NUDT13: variants seen among roughly 807,000 people sequenced by gnomAD.
NUDT13 encodes the protein NAD(P)H pyrophosphatase NUDT13, mitochondrial.
A neutral mutation model predicts 41.7 loss-of-function variants in NUDT13; 40 were observed. That is an observed-to-expected ratio of 0.96 (90% CI 0.75 to 1.25). NUDT13 has a LOEUF of 1.25. Ranked by LOEUF, NUDT13 falls within the 50% of genes most tolerant of loss-of-function variation. NUDT13 has a pLI of 0.00. For missense variants in NUDT13, 390 were observed against 416.1 expected (o/e 0.94, Z 0.55); for synonymous variants, 145 against 155.5 (o/e 0.93, Z 0.50).
At chr10:73,123,143 G>A (rs566289465) in intron 4 of NUDT13, among the ~76,000 whole-genome samples, 8 of 150,858 alleles carry the variant, frequency 5.3e-5, no homozygotes, top group African/African-American at 9.7e-5. Flanking sequence ...CAGGTGATCC[G>A]CCTGCCTCAG....
Position 73,120,158 on chromosome 10 carries a change from G to T in NUDT13, c.223+1G>T, listed in dbSNP as rs751338826. The T allele has an allele frequency of 6.2e-7, 1 of 1,614,128 alleles. No homozygotes were observed. The highest frequency in any genetic ancestry group is 8.5e-7 in the Non-Finnish European group (1 of 1,180,006). ...CTGGCCCCCCGGCACAGCCTGTTAGGTAAGTCCAGAGTGGACCAGTGGCGT... is the reference window on the plus strand; with the variant it reads ...CTGGCCCCCCGGCACAGCCTGTTAGTTAAGTCCAGAGTGGACCAGTGGCGT... On this transcript the variant is annotated splice_donor_variant, in intron 3 of 8. Coordinates refer to ENST00000357321, the MANE Select transcript of NUDT13 (RefSeq NM_015901.6). LOFTEE classifies it high-confidence loss of function.
rs766660545 is a variant in NUDT13 at position 73,114,395 on chromosome 10, G to C, written c.30G>C (p.Arg10Ser). Residue 10 changes from arginine to serine, a missense_variant, in exon 2 of 9, where the codon AGG becomes AGC. Arg to Ser is a moderately radical substitution (Grantham distance 110). Coordinates refer to ENST00000357321, the MANE Select transcript of NUDT13 (RefSeq NM_015901.6). MSLYCGIAC[R>S]RKFFWCYRLL... ...CCCTGTATTGTGGAATAGCTTGCAGGAGAAAATTTTTTTGGTGCTATAGGC... is the reference window on the plus strand; with the variant it reads ...CCCTGTATTGTGGAATAGCTTGCAGCAGAAAATTTTTTTGGTGCTATAGGC... 2 of 1,592,884 alleles carry C rather than the reference G, an allele frequency of 1.3e-6. No individual in the cohort carries two copies. The highest frequency in any genetic ancestry group is 8.6e-7 in the Non-Finnish European group (1 of 1,166,904).
chr10:73,127,113 G>A (rs1842808410), intron 8 of NUDT13, among the ~76,000 whole-genome samples: 1 of 152,074 alleles, frequency 6.6e-6, no homozygotes, highest in Non-Finnish European at 1.5e-5. Context: ...GGGTGCGATG[G>A]CTCATGCCTG....
At chr10:73,130,228 C>T (rs1842882947) in intron 8 of NUDT13, 1 of 151,440 alleles carries the variant, frequency 6.6e-6, no homozygotes, top group African/African-American at 2.4e-5. Context: ...TTTGGGGGGC[C>T]AAGGCGGGTG....
intron 4 of NUDT13, 118 bp from the exon 5 acceptor site, chr10:73,124,096 C>T: frequency 2.9e-6 from 2 of 684,476 alleles, no homozygotes; most frequent in South Asian, 3.4e-5. Flanking sequence ...GCCCCCCACA[C>T]CTAGCTGAAT....
At chr10:73,111,924 T>G (rs1842374555) in intron 1 of NUDT13, among the ~76,000 whole-genome samples, 1 of 152,236 alleles carries the variant, frequency 6.6e-6, no homozygotes, top group African/African-American at 2.4e-5. Flanking sequence ...TACACATGGC[T>G]AATTTTTTTT....
At chr10:73,120,943 A>G (rs1842633252) in intron 3 of NUDT13, among the ~76,000 whole-genome samples, 1 of 152,142 alleles carries the variant, frequency 6.6e-6, no homozygotes, top group African/African-American at 2.4e-5. Flanking sequence ...ATCTCAAAAA[A>G]AAAAAAAAAA....
chr10:73,114,394 G>A lies in NUDT13; in HGVS notation c.29G>A (p.Arg10Lys), dbSNP rs1212309374. The A allele has an allele frequency of 6.3e-7, 1 of 1,593,132 alleles. No individual in the cohort carries two copies. The highest frequency in any genetic ancestry group is 8.6e-7 in the Non-Finnish European group (1 of 1,166,928). Residue 10 changes from arginine to lysine, a missense_variant, in exon 2 of 9, where the codon AGG becomes AAG. Physicochemically the swap from Arg to Lys is conservative, Grantham distance 26. Coordinates refer to ENST00000357321, the MANE Select transcript of NUDT13 (RefSeq NM_015901.6). MSLYCGIACRRKFFWCYRLL... is the reference protein window; with the variant it reads MSLYCGIACKRKFFWCYRLL... Reference sequence around the variant, plus strand: ...TCCCTGTATTGTGGAATAGCTTGCAGGAGAAAATTTTTTTGGTGCTATAGG... The same window carrying A: ...TCCCTGTATTGTGGAATAGCTTGCAAGAGAAAATTTTTTTGGTGCTATAGG...
At chr10:73,128,146 G>T (rs972830386) in intron 8 of NUDT13, among the ~76,000 whole-genome samples, 2 of 152,048 alleles carry the variant, frequency 1.3e-5, no homozygotes, top group African/African-American at 4.8e-5. Context: ...TTCTATTATA[G>T]TATATACCAC....
At chr10:73,118,598 GTACT>G (rs1842570197) in intron 2 of NUDT13, among the ~76,000 whole-genome samples, 1 of 152,150 alleles carries the variant, frequency 6.6e-6, no homozygotes, top group African/African-American at 2.4e-5. Context: ...GAAAAGCCTG[GTACT>G]TACCCCATTA....
At chr10:73,121,393 C>G (rs1025774230) in intron 3 of NUDT13, among the ~76,000 whole-genome samples, 3 of 152,140 alleles carry the variant, frequency 2.0e-5, no homozygotes, top group African/African-American at 7.2e-5. Context: ...TCTGAGGACT[C>G]CATCAGAAGG....
rs774169557 is a variant in NUDT13 at position 73,130,757 on chromosome 10, G to A, written c.913G>A (p.Val305Ile). 3.1e-6 allele frequency: 5 copies of A among 1,613,762 alleles called. No homozygotes were observed. Among genetic ancestry groups the A allele is most frequent in the Non-Finnish European group, 4.2e-6 (5 of 1,179,940 alleles). The change falls in exon 9 of 9, where the codon GTA becomes ATA. Residue 305 changes from valine (V) to isoleucine (I), a missense_variant. Physicochemically the swap from Val to Ile is conservative, Grantham distance 29. Transcript: ENST00000357321. Reference sequence around the variant, plus strand: ...AGCTGCCTGGTTCAGTCATGATGAGGTAGCCACAGCCCTGAAGAGAAAGGG... The same window carrying A: ...AGCTGCCTGGTTCAGTCATGATGAGATAGCCACAGCCCTGAAGAGAAAGGG... ...ETAAWFSHDE[V>I]ATALKRKGPY...
At chr10:73,124,414 T>C (rs1292661296) in intron 5 of NUDT13, 94 bp downstream of exon 5, 1 of 827,980 alleles carries the variant, frequency 1.2e-6, no homozygotes, top group Non-Finnish European at 2.0e-6. Flanking sequence ...GACGTTTGAT[T>C]TCTTCTTTTG....
chr10:73,117,175 G>A (rs116370257), intron 2 of NUDT13, among the ~76,000 whole-genome samples: 3,813 of 151,296 alleles, frequency 0.025, 156 homozygotes, highest in African/African-American at 0.082. Flanking sequence ...ACGCCACCAC[G>A]CCTGGCCAAG....
At chr10:73,114,644 C>T (rs1349179648) in intron 2 of NUDT13, among the ~76,000 whole-genome samples, 196 bp downstream of exon 2, 2 of 150,956 alleles carry the variant, frequency 1.3e-5, no homozygotes, top group Non-Finnish European at 2.9e-5. Flanking sequence ...TGGTTTCTGG[C>T]TCATAACTCC....
At chr10:73,129,949 A>C (rs757405308) in intron 8 of NUDT13, among the ~76,000 whole-genome samples, 1 of 151,242 alleles carries the variant, frequency 6.6e-6, no homozygotes, top group Non-Finnish European at 1.5e-5. Context: ...ATTGCCCTCT[A>C]GCCTGGGTAA....
In NUDT13 at chr10:73,125,197, G is replaced by T; in HGVS notation, c.545G>T (p.Gly182Val). Residue 182 changes from glycine (G) to valine (V), a missense_variant, in exon 6 of 9, where the codon GGC becomes GTC. Gly to Val is a moderately radical substitution (Grantham distance 109). Transcript: ENST00000357321. ...CAGCCCACCAAGAAGAACGTGGCTGGCAGCAAGCGTGTGTGCCCTTCCAAT... is the reference window on the plus strand; with the variant it reads ...CAGCCCACCAAGAAGAACGTGGCTGTCAGCAAGCGTGTGTGCCCTTCCAAT... The part of the protein sequence containing the change: ...SGQPTKKNVA[G>V]SKRVCPSNNI... 6.2e-7 allele frequency: 1 copy of T among 1,613,562 alleles called. No homozygotes were observed.
intron 4 of NUDT13, among the ~76,000 whole-genome samples, chr10:73,123,656 T>A (rs1418222232): frequency 3.3e-5 from 5 of 152,026 alleles, no homozygotes; most frequent in East Asian, 1.9e-4. Flanking sequence ...TTTAAAAAAA[T>A]TTTATGTATA....
At chr10:73,125,677 A>ATATATATATAT (rs1491142220) in intron 7 of NUDT13, 168 bp downstream of exon 7, 4 of 167,260 alleles carry the variant, frequency 2.4e-5, no homozygotes, top group African/African-American at 1.0e-4. Context: ...ATATATATAT[A>ATATATATATAT]AAATTTTTTC....
Sources: allele counts gnomAD v4.1 joint callset (sites outside exome capture counted in the v4.1 genomes callset), GRCh38; gene constraint gnomAD v4.1.1; transcripts MANE v1.5; gene names NCBI Gene and HGNC (gene_info 2026-07-23, HGNC 2026-07-21).